The following TRAPPC9 variants were observed in gnomAD, a reference collection of about 807,000 sequenced individuals.
TRAPPC9 encodes IKK2 binding protein.
TRAPPC9 carries 83 observed loss-of-function variants against 124.0 expected under a neutral mutation model. The observed-to-expected ratio is 0.67, with a 90% confidence interval of 0.56 to 0.80. The LOEUF is 0.80. Ranked by LOEUF, TRAPPC9 falls within the 30% of genes least tolerant of loss-of-function variation. The pLI, the probability that TRAPPC9 is intolerant of heterozygous loss-of-function variation, is 0.00. For synonymous variants in TRAPPC9, 638 were observed against 617.5 expected (o/e 1.03, Z -0.49); for missense variants, 1,302 against 1,508.3 (o/e 0.86, Z 2.27).
At chr8:140,300,418 T>C (rs2131824904) in intron 11 of TRAPPC9, 51 bp downstream of exon 11, 2 of 1,612,802 alleles carry the variant, frequency 1.2e-6, no homozygotes, top group Non-Finnish European at 1.7e-6. Flanking sequence ...AGAAAAGCCA[T>C]TGGAAATCAG....
chr8:139,831,430 C>A (rs962171996), intron 21 of TRAPPC9, among the ~76,000 whole-genome samples: 13 of 152,194 alleles, frequency 8.5e-5, no homozygotes, highest in African/African-American at 1.4e-4. Context: ...ACTCTTCCCA[C>A]GCACTCACAT....
rs572670894 is a variant in TRAPPC9, at chr8:140,034,480, C to T, written c.2557-10401G>A. Among the ~76,000 whole-genome samples the T allele has an allele frequency of 3.9e-5, 6 of 152,292 alleles. No homozygotes were observed. The South Asian group carries it at 8.3e-4, about 21-fold the overall frequency. ...CCTCCTCAATAAACAGCACGGAGCA[C>T]GTTCCCTGCCTCTGACTTACCACGC... On this transcript the variant is annotated intron_variant, in intron 17 of 22. Coordinates refer to ENST00000438773, the MANE Select transcript of TRAPPC9 (RefSeq NM_001160372.4).
chr8:139,776,448 T>A lies in TRAPPC9; in HGVS notation c.3056-44246A>T, dbSNP rs1255119397. Among the ~76,000 whole-genome samples, 1 of 152,238 alleles carries A rather than the reference T, an allele frequency of 6.6e-6. No individual in the cohort carries two copies. Among genetic ancestry groups the A allele is most frequent in the African/African-American group, 2.4e-5 (1 of 41,468 alleles). On this transcript the variant is annotated intron_variant, in intron 21 of 22. Coordinates refer to ENST00000438773, the MANE Select transcript of TRAPPC9 (RefSeq NM_001160372.4). The surrounding 1 kb of genome is among the most constrained non-coding windows in gnomAD (Gnocchi z 4.1). Reference sequence around the variant, plus strand: ...GCACCAGGGTGAAGACACATGCTCATCACCCAGGGGTTAGCGTCGCTTGTT... The same window carrying A: ...GCACCAGGGTGAAGACACATGCTCAACACCCAGGGGTTAGCGTCGCTTGTT...
At chr8:139,956,672 A>G (rs2131537495) in intron 19 of TRAPPC9, among the ~76,000 whole-genome samples, 1 of 152,050 alleles carries the variant, frequency 6.6e-6, no homozygotes, top group East Asian at 1.9e-4. Flanking sequence ...TGCTCAGCTC[A>G]GCAGAGCCTG....
At chr8:139,862,074 A>G (rs1828202464) in intron 21 of TRAPPC9, among the ~76,000 whole-genome samples, 1 of 152,222 alleles carries the variant, frequency 6.6e-6, no homozygotes, top group Non-Finnish European at 1.5e-5. Flanking sequence ...ACCTGATTTC[A>G]TCTCTCTGAA....
upstream of TRAPPC9, chr8:140,458,204 A>G (rs2132760913): frequency 6.5e-7 from 1 of 1,549,834 alleles, no homozygotes; most frequent in South Asian, 1.2e-5. Context: ...GAGCAAGAGA[A>G]CAGAGACTAG....
At chr8:139,994,851 A>G (rs571101431) in intron 18 of TRAPPC9, among the ~76,000 whole-genome samples, 14 of 152,216 alleles carry the variant, frequency 9.2e-5, no homozygotes, top group Non-Finnish European at 1.3e-4. Context: ...CAAGGAACAG[A>G]ACAAGCAGAG....
intron 19 of TRAPPC9, among the ~76,000 whole-genome samples, chr8:139,938,888 A>T (rs970118586): frequency 1.8e-3 from 236 of 132,234 alleles, no homozygotes; most frequent in East Asian, 8.5e-3. Context: ...CTCATGATCC[A>T]CCCGCCTCGG....
In TRAPPC9 at chr8:140,047,418, G is replaced by A. The variant is rs1438205792; in HGVS notation, c.2557-23339C>T. ...AGTCGTTCTCTGCGGAGGCCCCGCT[G>A]GCACCGGAGAGCCAGGCATGGCAGC... On this transcript the variant is annotated intron_variant, in intron 17 of 22. Transcript: ENST00000438773. Among the ~76,000 whole-genome samples the A allele has an allele frequency of 2.6e-5, 4 of 152,262 alleles. No homozygotes were observed. In the South Asian group the frequency reaches 8.3e-4, roughly 31 times the overall value.
intron 18 of TRAPPC9, among the ~76,000 whole-genome samples, chr8:139,991,997 AAAGG>A (rs1837681945): frequency 1.3e-5 from 2 of 152,136 alleles, no homozygotes; most frequent in African/African-American, 2.4e-5. Flanking sequence ...CTGTGAGGGA[AAAGG>A]GCAGGACCAA....
chr8:139,860,763 G>A (rs547160398), intron 21 of TRAPPC9, among the ~76,000 whole-genome samples: 12 of 152,348 alleles, frequency 7.9e-5, no homozygotes, highest in African/African-American at 2.6e-4. Context: ...GTCGCCGTCC[G>A]TGGGCCCTCA....
At chr8:139,735,825 G>A (rs778666462) in intron 21 of TRAPPC9, among the ~76,000 whole-genome samples, 6 of 152,140 alleles carry the variant, frequency 3.9e-5, no homozygotes, top group Admixed American at 6.5e-5. Context: ...GCTGATGAAG[G>A]CTTGGAGCCA....
chr8:139,867,367 C>A (rs1463807399), intron 21 of TRAPPC9, among the ~76,000 whole-genome samples: 2 of 152,060 alleles, frequency 1.3e-5, no homozygotes, highest in African/African-American at 4.8e-5. Context: ...GAATTTTAAC[C>A]CAATGAATAA....
chr8:140,074,355 G>A (rs1240255699), intron 17 of TRAPPC9, among the ~76,000 whole-genome samples: 1 of 152,138 alleles, frequency 6.6e-6, no homozygotes, highest in Admixed American at 6.5e-5. Flanking sequence ...TCACCCTAAG[G>A]AAGAAATGCT....
chr8:140,054,223 G>A (rs984298725), intron 17 of TRAPPC9, among the ~76,000 whole-genome samples: 13 of 152,300 alleles, frequency 8.5e-5, no homozygotes, highest in African/African-American at 3.1e-4. Flanking sequence ...GTACTATGTT[G>A]ACCATTTGGG....
intron 17 of TRAPPC9, among the ~76,000 whole-genome samples, chr8:140,032,317 C>A (rs1444438984): frequency 6.6e-6 from 1 of 152,200 alleles, no homozygotes; most frequent in Non-Finnish European, 1.5e-5. Context: ...TCCCCTGTAA[C>A]CACCTTATTA....
At chr8:139,737,861 C>T (rs1818302648) in intron 21 of TRAPPC9, among the ~76,000 whole-genome samples, 1 of 152,186 alleles carries the variant, frequency 6.6e-6, no homozygotes, top group Non-Finnish European at 1.5e-5. Context: ...CCCAACCTTC[C>T]CTGAGGAGGG....
chr8:140,184,331 C>T (rs2062302300), intron 17 of TRAPPC9, among the ~76,000 whole-genome samples: 1 of 152,176 alleles, frequency 6.6e-6, no homozygotes, highest in Non-Finnish European at 1.5e-5. Context: ...AGAAAGTTCA[C>T]CAAAAGTTGA....
chr8:140,153,643 A>G (rs890058393), intron 17 of TRAPPC9, among the ~76,000 whole-genome samples: 5 of 152,212 alleles, frequency 3.3e-5, no homozygotes, highest in Non-Finnish European at 7.3e-5. Context: ...TACATATGGC[A>G]TTGTTGAATG....
Sources: allele counts gnomAD v4.1 joint callset (sites outside exome capture counted in the v4.1 genomes callset), GRCh38; gene constraint gnomAD v4.1.1; non-coding constraint Gnocchi (gnomAD v3.1); transcripts MANE v1.5; gene names NCBI Gene and HGNC (gene_info 2026-07-23, HGNC 2026-07-21).